Variants in IGF2BP3 observed in about 807,000 individuals in gnomAD.
IGF2BP3 encodes the protein insulin like growth factor 2 mRNA binding protein 3.
In IGF2BP3, 9 loss-of-function variants were observed where a neutral mutation model predicts 73.8. The ratio of observed to expected loss-of-function variants is 0.12; its 90% CI spans 0.07 to 0.21. The LOEUF is 0.21. IGF2BP3 is among the 10% of genes least tolerant of loss of function. The probability of loss-of-function intolerance (pLI) is 1.00; values close to 1 mark genes in which losing one functional copy is unlikely to be tolerated. For missense variants in IGF2BP3, 542 were observed against 714.0 expected (o/e 0.76, Z 2.75); for synonymous variants, 258 against 256.7 (o/e 1.01, Z -0.05).
intron 3 of IGF2BP3, among the ~76,000 whole-genome samples, chr7:23,402,985 C>T (rs150884013): frequency 2.8e-4 from 42 of 152,294 alleles, no homozygotes; most frequent in African/African-American, 9.4e-4. Flanking sequence ...GTATGTCACA[C>T]ATCCTGAAGT....
chr7:23,312,302 G>T lies in IGF2BP3; in HGVS notation c.*60C>A. On this transcript the variant is annotated 3_prime_UTR_variant, in exon 15 of 15. Transcript: ENST00000258729. ...GATAGGGGGTCAGCGCCCATCTGTTGGTTAAGCAATCTGTCTTTGGTTTGG... is the reference window on the plus strand; with the variant it reads ...GATAGGGGGTCAGCGCCCATCTGTTTGTTAAGCAATCTGTCTTTGGTTTGG... The T allele has an allele frequency of 1.6e-6, 2 of 1,223,358 alleles. No homozygotes were observed. Among genetic ancestry groups the T allele is most frequent in the Non-Finnish European group, 2.4e-6 (2 of 827,458 alleles). The allele number at this position is 1,223,358 out of a possible 1,614,324, so 75.8% of individuals were successfully genotyped here.
intron 1 of IGF2BP3, among the ~76,000 whole-genome samples, chr7:23,468,796 C>T (rs1788631760): frequency 6.6e-6 from 1 of 152,186 alleles, no homozygotes; most frequent in Non-Finnish European, 1.5e-5. Context: ...CCAAGCCTCC[C>T]CCACCCACCC....
intron 2 of IGF2BP3, among the ~76,000 whole-genome samples, chr7:23,454,134 A>G (rs1332446402): frequency 6.6e-6 from 1 of 152,088 alleles, no homozygotes; most frequent in Non-Finnish European, 1.5e-5. Flanking sequence ...ATCTTTTTGT[A>G]CACAGACTGA....
At chr7:23,455,981 G>A (rs932349700) in intron 2 of IGF2BP3, among the ~76,000 whole-genome samples, 3 of 152,112 alleles carry the variant, frequency 2.0e-5, no homozygotes, top group Admixed American at 1.3e-4. Context: ...CACTGCGCCC[G>A]GCAGGGTCTT....
chr7:23,322,264 C>G (rs918592596), intron 10 of IGF2BP3, among the ~76,000 whole-genome samples: 3 of 152,004 alleles, frequency 2.0e-5, no homozygotes, highest in Non-Finnish European at 1.5e-5. Flanking sequence ...TCGAGAACTA[C>G]GTGAAGAATG....
At chr7:23,390,695 A>G (rs1457734880) in intron 3 of IGF2BP3, among the ~76,000 whole-genome samples, 1 of 152,112 alleles carries the variant, frequency 6.6e-6, no homozygotes, top group East Asian at 1.9e-4. Context: ...GTGTATAGGC[A>G]GCACAGGAAT....
intron 3 of IGF2BP3, among the ~76,000 whole-genome samples, chr7:23,409,407 C>T (rs1435351656): frequency 6.6e-6 from 1 of 152,066 alleles, no homozygotes; most frequent in African/African-American, 2.4e-5. Flanking sequence ...TTGCTGGTTC[C>T]AAAATACACG....
chr7:23,322,608 A>T (rs1265562923), intron 10 of IGF2BP3, among the ~76,000 whole-genome samples: 1 of 152,166 alleles, frequency 6.6e-6, no homozygotes, highest in East Asian at 1.9e-4. Context: ...CAACTCCAAG[A>T]CACATAATTG....
At chr7:23,445,754 C>A (rs1234031295) in intron 2 of IGF2BP3, among the ~76,000 whole-genome samples, 2 of 152,082 alleles carry the variant, frequency 1.3e-5, no homozygotes, top group African/African-American at 4.8e-5. Flanking sequence ...GAAAAAATAA[C>A]CTGCAGGTGA....
At chr7:23,366,650 T>C (rs1252729136) in intron 3 of IGF2BP3, among the ~76,000 whole-genome samples, 1 of 150,842 alleles carries the variant, frequency 6.6e-6, no homozygotes, top group Non-Finnish European at 1.5e-5. Flanking sequence ...GTGGAAAAAA[T>C]TTAACAACAC....
intron 3 of IGF2BP3, among the ~76,000 whole-genome samples, chr7:23,408,060 C>T (rs796230584): frequency 6.6e-6 from 1 of 151,836 alleles, no homozygotes; most frequent in Admixed American, 6.6e-5. Flanking sequence ...AACATTCACT[C>T]ATCATATAGA....
intron 3 of IGF2BP3, chr7:23,362,581 T>C (rs1785258704): frequency 6.6e-6 from 1 of 152,242 alleles, no homozygotes; most frequent in African/African-American, 2.4e-5. Flanking sequence ...ATGGAGAGGC[T>C]GTTAGAACAG....
Position 23,432,509 on chromosome 7 carries a change from T to C in IGF2BP3, c.237-13685A>G, listed in dbSNP as rs554435108. 3.5e-4 allele frequency among the ~76,000 whole-genome samples: 54 copies of C among 152,124 alleles called. No individual in the cohort carries two copies. In the South Asian group the frequency reaches 4.8e-3, roughly 13 times the overall value. ...AGGGCACGCACATCTTAATGTAGAA[T>C]GTCAAACAGGAAAAAAACAAACAAA... On this transcript the variant is annotated intron_variant, in intron 2 of 14. Transcript: ENST00000258729.
chr7:23,375,834 T>C (rs1421157792), intron 3 of IGF2BP3, among the ~76,000 whole-genome samples: 2 of 152,152 alleles, frequency 1.3e-5, no homozygotes, highest in African/African-American at 4.8e-5. Flanking sequence ...CCAAAGTCAA[T>C]AATGATAGGA....
chr7:23,350,597 G>A (rs927527883), intron 6 of IGF2BP3, among the ~76,000 whole-genome samples: 1 of 152,238 alleles, frequency 6.6e-6, no homozygotes, highest in African/African-American at 2.4e-5. Context: ...AGATACACAT[G>A]AAAGGCTTCA....
rs539306548 is a variant in IGF2BP3 at position 23,397,766 on chromosome 7, T to C, written c.285+21010A>G. ...CATTTATTTGACACTTGAGTGCTGATTACACTGGTGGTAAATTGAATAATG... is the reference window on the plus strand; with the variant it reads ...CATTTATTTGACACTTGAGTGCTGACTACACTGGTGGTAAATTGAATAATG... On this transcript the variant is annotated intron_variant, in intron 3 of 14. Transcript: ENST00000258729. 3.3e-5 allele frequency among the ~76,000 whole-genome samples: 5 copies of C among 152,362 alleles called. No individual in the cohort carries two copies. The South Asian group carries it at 1.0e-3, about 32-fold the overall frequency.
intron 2 of IGF2BP3, 96 bp from the exon 3 acceptor site, chr7:23,418,920 C>A: frequency 1.3e-6 from 1 of 765,338 alleles, no homozygotes; most frequent in Non-Finnish European, 2.1e-6. Context: ...AAAATATTAA[C>A]TCTATATTAA....
intron 2 of IGF2BP3, among the ~76,000 whole-genome samples, chr7:23,443,793 A>C (rs867620594): frequency 1.3e-5 from 2 of 151,674 alleles, no homozygotes; most frequent in South Asian, 4.1e-4. Flanking sequence ...GTGGATCACG[A>C]GGTCAGGAGA....
chr7:23,464,609 G>A (rs555694155), intron 2 of IGF2BP3, among the ~76,000 whole-genome samples: 16 of 151,980 alleles, frequency 1.1e-4, no homozygotes, highest in African/African-American at 3.9e-4. Context: ...GCTTGAACCT[G>A]GGAGGCAGAG....
Sources: gnomAD v4.1 joint callset for allele counts (sites outside exome capture counted in the v4.1 genomes callset) on GRCh38, gnomAD v4.1.1 for gene constraint, MANE v1.5 for transcripts, NCBI Gene and HGNC (gene_info 2026-07-23, HGNC 2026-07-21) for gene names.